The following CD8B2 variants were observed in gnomAD, a reference collection of about 807,000 sequenced individuals.
CD8B2 encodes T-cell surface glycoprotein CD8 beta-2 chain.
Under a neutral mutation model 23.7 loss-of-function variants are expected in CD8B2, and 11 were observed. The ratio of observed to expected loss-of-function variants is 0.46; its 90% CI spans 0.29 to 0.77. The LOEUF is 0.77. Ranked by LOEUF, CD8B2 falls within the 30% of genes least tolerant of loss-of-function variation. The pLI is 0.09. For synonymous variants in CD8B2, 90 were observed against 109.3 expected (o/e 0.82, Z 1.10); for missense variants, 197 against 270.5 (o/e 0.73, Z 1.91).
intron 4 of CD8B2, 48 bp from the exon 5 acceptor site, chr2:106,504,241 A>G (rs1679463047): frequency 1.9e-6 from 3 of 1,553,570 alleles, no homozygotes; most frequent in East Asian, 4.9e-5. Flanking sequence ...GGCTCAGCAC[A>G]GTGACCCACA....
At chr2:106,493,246 G>A (rs1215293951) in intron 2 of CD8B2, among the ~76,000 whole-genome samples, 1 of 152,212 alleles carries the variant, frequency 6.6e-6, no homozygotes, top group African/African-American at 2.4e-5. Context: ...TTGAGAAAGT[G>A]TTTGGGGAGA....
At chr2:106,487,627 G>A (rs1474529517) in intron 1 of CD8B2, among the ~76,000 whole-genome samples, 158 bp downstream of exon 1, 14 of 152,200 alleles carry the variant, frequency 9.2e-5, no homozygotes, top group Non-Finnish European at 1.8e-4. Context: ...GGGTCCCTAA[G>A]GGTGGAAATA....
intron 5 of CD8B2, among the ~76,000 whole-genome samples, chr2:106,517,000 T>C (rs1388699598): frequency 6.7e-6 from 1 of 148,372 alleles, no homozygotes; most frequent in Non-Finnish European, 1.5e-5. Flanking sequence ...TAATACATGA[T>C]ATATTTTATA....
intron 3 of CD8B2, among the ~76,000 whole-genome samples, chr2:106,500,647 TTC>T (rs1334677483): frequency 2.0e-5 from 3 of 151,972 alleles, no homozygotes; most frequent in African/African-American, 4.8e-5. Flanking sequence ...TCAGTAAAAA[TTC>T]TCTCTCTTCC....
intron 5 of CD8B2, among the ~76,000 whole-genome samples, chr2:106,523,962 C>A (rs11689589): frequency 0.086 from 13,047 of 152,118 alleles, 865 homozygotes; most frequent in African/African-American, 0.19. Context: ...AAGTGTTAAG[C>A]CTAGGAGAGT....
intron 1 of CD8B2, among the ~76,000 whole-genome samples, chr2:106,489,041 C>A (rs905651877): frequency 4.1e-5 from 6 of 146,690 alleles, no homozygotes; most frequent in African/African-American, 1.5e-4. Context: ...CTTGCTCTGT[C>A]GCCCAGGCTG....
intron 5 of CD8B2, among the ~76,000 whole-genome samples, chr2:106,528,035 C>T (rs1226249270): frequency 6.6e-6 from 1 of 152,164 alleles, no homozygotes; most frequent in Non-Finnish European, 1.5e-5. Context: ...AACGTGGGTA[C>T]AAGCTATAAT....
downstream of CD8B2, among the ~76,000 whole-genome samples, chr2:106,512,323 C>A (rs879811501): frequency 6.6e-6 from 1 of 152,174 alleles, no homozygotes; most frequent in Non-Finnish European, 1.5e-5. Flanking sequence ...GCAATCCATC[C>A]GCCTCGGCCT....
rs927301692 is a variant in CD8B2, at chr2:106,508,550, G to C, written c.*1610G>C. 2.0e-5 allele frequency: 3 copies of C among 152,144 alleles called. No individual in the cohort carries two copies. The highest frequency in any genetic ancestry group is 4.4e-5 in the Non-Finnish European group (3 of 68,030). The allele number at this position is 152,144 out of a possible 1,614,324, so 9.4% of individuals were successfully genotyped here. ...GAACAAAACATACAAAGTAATAAAG[G>C]AATAAACGCAGCAAAAGGAAGAATT... is the stretch of plus-strand genomic sequence containing the variant. On this transcript the variant is annotated 3_prime_UTR_variant, in exon 6 of 6. Transcript: ENST00000643224.
intron 1 of CD8B2, among the ~76,000 whole-genome samples, chr2:106,488,124 G>A (rs761041985): frequency 1.9e-4 from 29 of 152,068 alleles, no homozygotes; most frequent in Admixed American, 7.2e-4. Context: ...CCACACACCC[G>A]GAAAACTGCC....
intron 2 of CD8B2, among the ~76,000 whole-genome samples, chr2:106,491,583 T>C (rs145383023): frequency 0.018 from 2,685 of 152,286 alleles, 29 homozygotes; most frequent in Non-Finnish European, 0.026. Flanking sequence ...AGCCTCACTG[T>C]GTTGCCCAGG....
At chr2:106,500,560 A>ATAAATAAATAAATAAT (rs370350218) in intron 3 of CD8B2, among the ~76,000 whole-genome samples, 35 of 119,062 alleles carry the variant, frequency 2.9e-4, no homozygotes, top group Middle Eastern at 4.3e-3. Context: ...AAATAAATAA[A>ATAAATAAATAAATAAT]TAATTAAAAA....
chr2:106,531,299 G>A (rs1679986752), intron 5 of CD8B2, among the ~76,000 whole-genome samples: 1 of 152,172 alleles, frequency 6.6e-6, no homozygotes, highest in Non-Finnish European at 1.5e-5. Context: ...TACTCTCAGT[G>A]TTGGGTCCCC....
chr2:106,530,686 G>C (rs1558886178), intron 5 of CD8B2, among the ~76,000 whole-genome samples: 2 of 152,166 alleles, frequency 1.3e-5, no homozygotes, highest in African/African-American at 2.4e-5. Context: ...GACCTGCTAG[G>C]CTGCATTCCC....
chr2:106,539,057 C>T lies in CD8B2; in HGVS notation c.621-4935C>T, dbSNP rs149593206. 7.6e-3 allele frequency among the ~76,000 whole-genome samples: 1,160 copies of T among 152,310 alleles called. 8 individuals carry two copies. The highest frequency in any genetic ancestry group is 0.013 in the Non-Finnish European group (864 of 68,034). Reference sequence around the variant, plus strand: ...AACTTCTGACTCTACCTGGTCACAGCGCAAGTGAACACGTGTTCACTTACA... The same window carrying T: ...AACTTCTGACTCTACCTGGTCACAGTGCAAGTGAACACGTGTTCACTTACA... On this transcript the variant is annotated intron_variant, in intron 5 of 5. Transcript: ENST00000416057.
In CD8B2 at chr2:106,491,209, G is replaced by C; in HGVS notation, c.379G>C (p.Gly127Arg). Residue 127 changes from glycine (G) to arginine (R), a missense_variant, in exon 2 of 6, where the codon GGG becomes CGG. Gly to Arg is a moderately radical substitution (Grantham distance 125, BLOSUM62 -2). This residue lies in a region of CD8B2 where 140 missense variants were observed against 164.2 expected (regional missense o/e 0.85). Transcript: ENST00000643224. ...MIVGSPELTF[G>R]KGTQLSVVDF... Reference sequence around the variant, plus strand: ...CGTCGGGAGCCCCGAGCTGACCTTCGGGAAGGGAACTCAGCTGAGTGTGGG... The same window carrying C: ...CGTCGGGAGCCCCGAGCTGACCTTCCGGAAGGGAACTCAGCTGAGTGTGGG... 1 of 1,602,686 alleles carries C rather than the reference G, an allele frequency of 6.2e-7. No homozygotes were observed. Among genetic ancestry groups the C allele is most frequent in the South Asian group, 1.1e-5 (1 of 89,336 alleles).
chr2:106,503,590 T>C (rs1242916066), intron 4 of CD8B2, among the ~76,000 whole-genome samples: 1 of 152,184 alleles, frequency 6.6e-6, no homozygotes, highest in Non-Finnish European at 1.5e-5. Context: ...ATAAAGTAAA[T>C]GCAGCAGTTG....
intron 5 of CD8B2, among the ~76,000 whole-genome samples, chr2:106,538,895 A>G (rs995625006): frequency 2.0e-5 from 3 of 151,886 alleles, no homozygotes; most frequent in Admixed American, 6.6e-5. Context: ...TCTCATATGC[A>G]GTGTGTCCCC....
At position 106,508,767 on chromosome 2, in the gene CD8B2, G is replaced by A. The variant is rs1456653426; in HGVS notation, c.*1827G>A. 1.3e-5 allele frequency: 2 copies of A among 152,208 alleles called. No individual in the cohort carries two copies. The highest frequency in any genetic ancestry group is 2.9e-5 in the Non-Finnish European group (2 of 68,044). 9.4% of individuals were successfully genotyped at this position (152,208 alleles called of 1,614,324 possible). ...TGAATTGACGCCCTATGCGGATGAA[G>A]GGATGGCCCGTGCTTGGTCTGTGGT... On this transcript the variant is annotated 3_prime_UTR_variant, in exon 6 of 6. Coordinates refer to ENST00000643224, the MANE Select transcript of CD8B2 (RefSeq NM_001349727.2).
Sources: allele counts gnomAD v4.1 joint callset (sites outside exome capture counted in the v4.1 genomes callset), GRCh38; gene constraint gnomAD v4.1.1; regional missense constraint gnomAD v4.1.1; transcripts MANE v1.5; gene names NCBI Gene and HGNC (gene_info 2026-07-23, HGNC 2026-07-21).